Variants in SPTBN1 observed in about 807,000 individuals in gnomAD.
SPTBN1 encodes the protein spectrin beta, non-erythrocytic 1.
Under a neutral mutation model 266.4 loss-of-function variants are expected in SPTBN1, and 32 were observed. The ratio of observed to expected loss-of-function variants is 0.12; its 90% CI spans 0.09 to 0.16. The LOEUF (loss-of-function observed/expected upper bound fraction) is 0.16, where lower values mean the gene tolerates loss of function less well. Ranked by LOEUF, SPTBN1 falls within the 10% of genes least tolerant of loss-of-function variation. The pLI, the probability that SPTBN1 is intolerant of heterozygous loss-of-function variation, is 1.00. For missense variants in SPTBN1, 2,296 were observed against 3,067.1 expected (o/e 0.75, Z 5.94); for synonymous variants, 1,336 against 1,162.2 (o/e 1.15, Z -3.04).
rs1190544631 is a variant in SPTBN1 at position 54,645,084 on chromosome 2, A to G, written c.4270-145A>G. ...TGAAAACAGTTCCATTGATGTTGAA[A>G]AGCAAGTCAGTGGCAAAATGTTTGA... is the stretch of plus-strand genomic sequence containing the variant. On this transcript the variant is annotated intron_variant, in intron 20 of 35. Transcript: ENST00000356805. The surrounding 1 kb of genome is among the most constrained non-coding windows in gnomAD (Gnocchi z 4.3). 5.4e-6 allele frequency: 4 copies of G among 744,694 alleles called. No individual in the cohort carries two copies. Among genetic ancestry groups the G allele is most frequent in the Middle Eastern group, 7.5e-4 (2 of 2,658 alleles). 46.1% of individuals were successfully genotyped at this position (744,694 alleles called of 1,614,324 possible).
intron 3 of SPTBN1, among the ~76,000 whole-genome samples, chr2:54,604,822 G>T (rs1676730266): frequency 6.6e-6 from 1 of 152,168 alleles, no homozygotes; most frequent in Non-Finnish European, 1.5e-5. Flanking sequence ...AGTGTGAGGG[G>T]AAGGGAAGCT....
At chr2:54,579,237 C>G (rs185673360) in intron 2 of SPTBN1, among the ~76,000 whole-genome samples, 1 of 152,060 alleles carries the variant, frequency 6.6e-6, no homozygotes, top group African/African-American at 2.4e-5. Context: ...GGAGCTTTGA[C>G]GGCACATAGA....
chr2:54,632,303 T>G (rs1366636946), intron 16 of SPTBN1, among the ~76,000 whole-genome samples: 1 of 152,128 alleles, frequency 6.6e-6, no homozygotes. Context: ...AGAGGACCCT[T>G]GAGGCTGATA....
intron 1 of SPTBN1, among the ~76,000 whole-genome samples, chr2:54,484,723 C>T (rs1335170022): frequency 1.3e-5 from 2 of 150,772 alleles, no homozygotes; most frequent in Non-Finnish European, 2.9e-5. Flanking sequence ...GGGAGTAGTT[C>T]GTTGGTTTTC....
Position 54,670,972 on chromosome 2 carries a change from C to A in SPTBN1, c.*2403C>A, listed in dbSNP as rs1338027441. ...TTGGGTTTTTTGTTTTTTTTTTATTCTTCCACTATCATGTTTTTTGAGGAT... is the reference window on the plus strand; with the variant it reads ...TTGGGTTTTTTGTTTTTTTTTTATTATTCCACTATCATGTTTTTTGAGGAT... On this transcript the variant is annotated 3_prime_UTR_variant, in exon 36 of 36. Coordinates refer to ENST00000356805, the MANE Select transcript of SPTBN1 (RefSeq NM_003128.3). 2 of 394,784 alleles carry A rather than the reference C, an allele frequency of 5.1e-6. No homozygotes were observed. Among genetic ancestry groups the A allele is most frequent in the Non-Finnish European group, 8.9e-6 (2 of 225,014 alleles). The allele number at this position is 394,784 out of a possible 1,614,324, so 24.5% of individuals were successfully genotyped here.
chr2:54,667,583 C>T, intron 34 of SPTBN1, 21 bp from the exon 35 acceptor site: 1 of 1,612,518 alleles, frequency 6.2e-7, no homozygotes. Flanking sequence ...TGGTGACTAA[C>T]TTTCTTCCTT....
chr2:54,457,946 C>G (rs1250713024), intron 1 of SPTBN1, among the ~76,000 whole-genome samples: 1 of 152,222 alleles, frequency 6.6e-6, no homozygotes, highest in African/African-American at 2.4e-5. Context: ...ATCTGATCTG[C>G]GACCAGGGGA....
chr2:54,519,449 C>G (rs1250274088), intron 1 of SPTBN1, among the ~76,000 whole-genome samples: 1 of 152,046 alleles, frequency 6.6e-6, no homozygotes, highest in East Asian at 1.9e-4. Context: ...GAGGAGGTTC[C>G]TGGATGTAGT....
intron 2 of SPTBN1, among the ~76,000 whole-genome samples, chr2:54,555,382 A>G (rs1384298603): frequency 6.6e-6 from 1 of 152,056 alleles, no homozygotes; most frequent in African/African-American, 2.4e-5. Context: ...TGTCCCCTGC[A>G]CCCCTCTAGC....
Position 54,629,394 on chromosome 2 carries a change from G to A in SPTBN1, c.2260G>A (p.Asp754Asn). The change falls in exon 14 of 36, where the codon GAT (aspartate) becomes AAT (asparagine). Residue 754 changes from aspartate (D) to asparagine (N), a missense_variant. Physicochemically the swap from Asp to Asn is conservative, Grantham distance 23. Around this residue, in one of 12 missense-constraint regions of SPTBN1, gnomAD observed 434 missense variants for 573.9 expected, o/e 0.76. Coordinates refer to ENST00000356805, the MANE Select transcript of SPTBN1 (RefSeq NM_003128.3). ...SLLHQFQADA[D>N]DIDAWMLDIL... Reference sequence around the variant, plus strand: ...GCTGCACCAGTTCCAGGCAGATGCTGATGACATTGATGCCTGGATGCTGGA... The same window carrying A: ...GCTGCACCAGTTCCAGGCAGATGCTAATGACATTGATGCCTGGATGCTGGA... 1 of 1,614,156 alleles carries A rather than the reference G, an allele frequency of 6.2e-7. No individual in the cohort carries two copies. The highest frequency in any genetic ancestry group is 8.5e-7 in the Non-Finnish European group (1 of 1,180,054).
intron 7 of SPTBN1, 61 bp downstream of exon 7, chr2:54,618,254 T>TA (rs1419283392): frequency 7.3e-7 from 1 of 1,376,510 alleles, no homozygotes; most frequent in Non-Finnish European, 1.0e-6. Context: ...GGTGTTAATG[T>TA]AAAATCTGTT....
intron 2 of SPTBN1, among the ~76,000 whole-genome samples, chr2:54,566,185 CTTTTT>C: frequency 8.0e-6 from 1 of 125,222 alleles, no homozygotes. Flanking sequence ...TTTCTTTTTT[CTTTTT>C]TTTTTTTTTT....
chr2:54,638,049 GACAC>G (rs1679270960), intron 18 of SPTBN1, among the ~76,000 whole-genome samples: 1 of 152,192 alleles, frequency 6.6e-6, no homozygotes, highest in Non-Finnish European at 1.5e-5. Flanking sequence ...CATTACAGTA[GACAC>G]CAGCCACAAT....
Position 54,529,852 on chromosome 2 carries a change from CAAAAAAAAAAAAAA to C in SPTBN1, c.148+3305_148+3318del, listed in dbSNP as rs61316795. 546 of 62,202 alleles carry C rather than the reference CAAAAAAAAAAAAAA, an allele frequency of 8.8e-3. 4 individuals are homozygous for C. The highest frequency in any genetic ancestry group is 0.033 in the Middle Eastern group (4 of 120). The allele number at this position is 62,202 out of a possible 1,614,324, so 3.9% of individuals were successfully genotyped here. On this transcript the variant is annotated intron_variant, in intron 2 of 35. Coordinates refer to ENST00000356805, the MANE Select transcript of SPTBN1 (RefSeq NM_003128.3). ...TCTAAATATACATATCTCTTTTCACCAAAAAAAAAAAAAAAAAAAAAAAAAAAAAAAAGGTCCAC... is the reference window on the plus strand; with the variant it reads ...TCTAAATATACATATCTCTTTTCACCAAAAAAAAAAAAAAAAAAGGTCCAC...
intron 3 of SPTBN1, among the ~76,000 whole-genome samples, chr2:54,611,468 C>T (rs1000893935): frequency 6.9e-6 from 1 of 144,068 alleles, no homozygotes; most frequent in Non-Finnish European, 1.5e-5. Flanking sequence ...ATTATCTACT[C>T]TCTCTCTATA....
At chr2:54,617,545 G>A in intron 5 of SPTBN1, 63 bp from the exon 6 acceptor site, 2 of 1,524,984 alleles carry the variant, frequency 1.3e-6, no homozygotes, top group South Asian at 1.1e-5. Flanking sequence ...AAAGCACTTG[G>A]CAAAAGTATA....
At chr2:54,638,234 T>C (rs1304958008) in intron 18 of SPTBN1, among the ~76,000 whole-genome samples, 1 of 152,234 alleles carries the variant, frequency 6.6e-6, no homozygotes, top group Non-Finnish European at 1.5e-5. Context: ...CAAAGGAAGT[T>C]GTATTGGATA....
intron 16 of SPTBN1, 69 bp downstream of exon 16, chr2:54,631,680 G>T: frequency 6.5e-7 from 1 of 1,541,616 alleles, no homozygotes; most frequent in Non-Finnish European, 8.7e-7. Context: ...AAATGTTTTG[G>T]CTGGGGCAGC....
chr2:54,592,038 A>G (rs1384245419), intron 2 of SPTBN1, among the ~76,000 whole-genome samples: 1 of 152,164 alleles, frequency 6.6e-6, no homozygotes, highest in Non-Finnish European at 1.5e-5. Flanking sequence ...GTGATGGTGC[A>G]TGCCTGTAAT....
Sources: allele counts gnomAD v4.1 joint callset (sites outside exome capture counted in the v4.1 genomes callset), GRCh38; gene constraint gnomAD v4.1.1; regional missense constraint gnomAD v4.1.1; non-coding constraint Gnocchi (gnomAD v3.1); transcripts MANE v1.5; gene names NCBI Gene and HGNC (gene_info 2026-07-23, HGNC 2026-07-21).